PDZRN3: variants seen among roughly 807,000 people sequenced by gnomAD.
PDZRN3 encodes the protein PDZ domain containing ring finger 3.
PDZRN3 carries 38 observed loss-of-function variants against 85.7 expected under a neutral mutation model. The ratio of observed to expected loss-of-function variants is 0.44; its 90% CI spans 0.34 to 0.58. The LOEUF is 0.58. Among genes scored for constraint, PDZRN3 ranks in the 20% least tolerant of loss-of-function variants. The pLI, the probability that PDZRN3 is intolerant of heterozygous loss-of-function variation, is 0.01. For missense variants in PDZRN3, 1,629 were observed against 1,506.4 expected (o/e 1.08, Z -1.35); for synonymous variants, 759 against 638.0 (o/e 1.19, Z -2.86).
At chr3:73,524,878 C>CAT (rs1229939530) in intron 3 of PDZRN3, among the ~76,000 whole-genome samples, 1 of 151,620 alleles carries the variant, frequency 6.6e-6, no homozygotes, top group Non-Finnish European at 1.5e-5. Flanking sequence ...CTATGATTTT[C>CAT]ATATATATAC....
intron 8 of PDZRN3, 52 bp downstream of exon 8, chr3:73,387,916 C>A: frequency 1.2e-6 from 1 of 855,388 alleles, no homozygotes. Context: ...GCCTGGGGAT[C>A]TTTTGATTTT....
intron 3 of PDZRN3, among the ~76,000 whole-genome samples, chr3:73,446,469 A>G (rs1702750292): frequency 6.6e-6 from 1 of 152,216 alleles, no homozygotes; most frequent in Non-Finnish European, 1.5e-5. Flanking sequence ...CCAAATACAT[A>G]TTTGTCTTAT....
chr3:73,433,886 C>T lies in PDZRN3; in HGVS notation c.919-29491G>A. Reference sequence around the variant, plus strand: ...CAACAACTCTCTCCCCCCTTCCACGCTTCCCTTCCTCCCCTCGCAGCATGC... The same window carrying T: ...CAACAACTCTCTCCCCCCTTCCACGTTTCCCTTCCTCCCCTCGCAGCATGC... On this transcript the variant is annotated intron_variant, in intron 3 of 9. Coordinates refer to ENST00000263666, the MANE Select transcript of PDZRN3 (RefSeq NM_015009.3). 7.0e-6 allele frequency: 10 copies of T among 1,432,286 alleles called. No homozygotes were observed. In the South Asian group the frequency reaches 1.4e-4, roughly 19 times the overall value. The allele number at this position is 1,432,286 out of a possible 1,614,324, so 88.7% of individuals were successfully genotyped here.
intron 1 of PDZRN3, among the ~76,000 whole-genome samples, chr3:73,610,811 C>A (rs529480278): frequency 1.3e-5 from 2 of 151,818 alleles, no homozygotes; most frequent in Non-Finnish European, 2.9e-5. Context: ...ACCACTTATT[C>A]AAGAAAAAAA....
chr3:73,603,662 C>A (rs775342566), intron 2 of PDZRN3, among the ~76,000 whole-genome samples: 40 of 152,028 alleles, frequency 2.6e-4, no homozygotes, highest in Non-Finnish European at 5.4e-4. Context: ...ATAAAAATTC[C>A]ATTTGTTAAA....
intron 3 of PDZRN3, among the ~76,000 whole-genome samples, chr3:73,410,348 TTAACGTGTTTCTGAGGAAA>T (rs1436894271): frequency 4.6e-5 from 7 of 152,160 alleles, no homozygotes; most frequent in Non-Finnish European, 7.3e-5. Flanking sequence ...GGTGTTCAAA[TTAACGTGTTTCTGAGGAAA>T]GTACGTCTAC....
chr3:73,438,139 C>T (rs971360911), intron 3 of PDZRN3, among the ~76,000 whole-genome samples: 3 of 152,172 alleles, frequency 2.0e-5, no homozygotes, highest in African/African-American at 4.8e-5. Context: ...CCTGCCTCTT[C>T]CTGCCTTCAT....
At chr3:73,495,171 C>T (rs1049701105) in intron 3 of PDZRN3, among the ~76,000 whole-genome samples, 4 of 152,170 alleles carry the variant, frequency 2.6e-5, no homozygotes, top group Non-Finnish European at 5.9e-5. Flanking sequence ...TCACTTTACC[C>T]TGAAAAACAA....
intron 3 of PDZRN3, among the ~76,000 whole-genome samples, chr3:73,442,160 A>G (rs769108462): frequency 6.6e-6 from 1 of 152,128 alleles, no homozygotes. Flanking sequence ...ACCTGCCTCA[A>G]CCCTTGGATA....
At chr3:73,495,349 A>G (rs952280048) in intron 3 of PDZRN3, among the ~76,000 whole-genome samples, 1 of 152,164 alleles carries the variant, frequency 6.6e-6, no homozygotes, top group Non-Finnish European at 1.5e-5. Flanking sequence ...CCTTTTGGTC[A>G]TCTCCTCTTC....
Position 73,624,616 on chromosome 3 carries a change from C to T in PDZRN3, c.210G>A (p.Pro70=), listed in dbSNP as rs1382380671. 6.4e-7 allele frequency: 1 copy of T among 1,558,428 alleles called. No homozygotes were observed. Among genetic ancestry groups the T allele is most frequent in the East Asian group, 2.6e-5 (1 of 38,688 alleles). ...LSAKELNHVL[P]LKRLILKLDI... ...CCAGCTTGAGGATAAGGCGCTTGAG[C>T]GGCAGGACGTGGTTGAGCTCTTTGG... The change falls in exon 1 of 10, where the codon CCG becomes CCA. Residue 70 remains proline, a synonymous_variant. Transcript: ENST00000263666.
intron 1 of PDZRN3, among the ~76,000 whole-genome samples, chr3:73,620,572 G>T (rs898582813): frequency 1.1e-3 from 93 of 88,528 alleles, no homozygotes; most frequent in African/African-American, 2.6e-3. Context: ...GGCAGTCTGG[G>T]TTTTTTTTGT....
intron 3 of PDZRN3, among the ~76,000 whole-genome samples, chr3:73,465,814 A>G (rs554114560): frequency 2.3e-4 from 35 of 152,364 alleles, no homozygotes; most frequent in African/African-American, 8.4e-4. Context: ...CTGATATACC[A>G]TAAGTTTTGT....
At chr3:73,409,149 G>C (rs186073353) in intron 3 of PDZRN3, among the ~76,000 whole-genome samples, 150 of 152,254 alleles carry the variant, frequency 9.9e-4, no homozygotes, top group African/African-American at 3.6e-3. Context: ...TGCAATTATG[G>C]CAAAAATCCA....
chr3:73,509,044 C>T (rs543999361), intron 3 of PDZRN3, among the ~76,000 whole-genome samples: 24 of 152,350 alleles, frequency 1.6e-4, no homozygotes, highest in African/African-American at 5.5e-4. Context: ...CAATTAGTTA[C>T]TTACTGTGTA....
chr3:73,496,397 A>G (rs1460500944), intron 3 of PDZRN3, among the ~76,000 whole-genome samples: 1 of 151,966 alleles, frequency 6.6e-6, no homozygotes, highest in African/African-American at 2.4e-5. Flanking sequence ...AACTTAATAA[A>G]CTCTCATGTA....
At chr3:73,455,534 T>C (rs1018792834) in intron 3 of PDZRN3, among the ~76,000 whole-genome samples, 17 of 152,344 alleles carry the variant, frequency 1.1e-4, no homozygotes, top group East Asian at 1.9e-4. Context: ...TCTACTTTTT[T>C]AGCCTGCAGA....
At chr3:73,550,279 GGGGTGTGGCCCAGT>G (rs1415407770) in intron 3 of PDZRN3, among the ~76,000 whole-genome samples, 2 of 152,144 alleles carry the variant, frequency 1.3e-5, no homozygotes, top group Non-Finnish European at 2.9e-5. Flanking sequence ...CAGAAATTCT[GGGGTGTGGCCCAGT>G]GGCCTGCGTT....
At chr3:73,617,953 G>A (rs1341375483) in intron 1 of PDZRN3, among the ~76,000 whole-genome samples, 9 of 152,136 alleles carry the variant, frequency 5.9e-5, no homozygotes, top group African/African-American at 1.4e-4. Context: ...TGATCTTTCC[G>A]GCTAGGCCTC....
Sources: gnomAD v4.1 joint callset for allele counts (sites outside exome capture counted in the v4.1 genomes callset) on GRCh38, gnomAD v4.1.1 for gene constraint, MANE v1.5 for transcripts, NCBI Gene and HGNC (gene_info 2026-07-23, HGNC 2026-07-21) for gene names.